The following CADPS2 variants were observed in gnomAD, a reference collection of about 807,000 sequenced individuals.
CADPS2 encodes calcium-dependent secretion activator 2.
In CADPS2, 93 loss-of-function variants were observed where a neutral mutation model predicts 172.5. The ratio of observed to expected loss-of-function variants is 0.54; its 90% CI spans 0.46 to 0.64. The LOEUF is 0.64. CADPS2 is among the 30% of genes least tolerant of loss of function. CADPS2 has a pLI of 0.00. For missense variants in CADPS2, 1,420 were observed against 1,565.9 expected, an observed-to-expected ratio of 0.91 and a Z score of 1.57; for synonymous variants, 546 against 555.2, an observed-to-expected ratio of 0.98 and a Z score of 0.23.
chr7:122,725,388 T>G (rs567332643), intron 2 of CADPS2, among the ~76,000 whole-genome samples: 1 of 151,752 alleles, frequency 6.6e-6, no homozygotes, highest in Admixed American at 6.6e-5. Context: ...TGTGTATATG[T>G]GGATGGATGG....
At chr7:122,360,217 G>C (rs1404254196) in intron 27 of CADPS2, among the ~76,000 whole-genome samples, 1 of 152,040 alleles carries the variant, frequency 6.6e-6, no homozygotes, top group Non-Finnish European at 1.5e-5. Context: ...ACAACTTGTT[G>C]GTTATGTTTA....
At chr7:122,849,591 T>G (rs1812968561) in intron 1 of CADPS2, among the ~76,000 whole-genome samples, 1 of 152,184 alleles carries the variant, frequency 6.6e-6, no homozygotes. Context: ...AGTCTGTGCG[T>G]TAAGGAATGT....
At chr7:122,622,874 C>T (rs2075741075) in intron 4 of CADPS2, among the ~76,000 whole-genome samples, 1 of 152,112 alleles carries the variant, frequency 6.6e-6, no homozygotes. Context: ...ATCCAGCATG[C>T]TCTTGTCAAC....
chr7:122,703,281 T>G (rs1464519003), intron 2 of CADPS2, among the ~76,000 whole-genome samples: 1 of 152,162 alleles, frequency 6.6e-6, no homozygotes, highest in Non-Finnish European at 1.5e-5. Context: ...TGCATGTACC[T>G]GGGCCAGTTG....
intron 2 of CADPS2, among the ~76,000 whole-genome samples, chr7:122,691,146 A>G (rs1564075918): frequency 6.6e-6 from 1 of 152,158 alleles, no homozygotes; most frequent in African/African-American, 2.4e-5. Context: ...GGGAGTCACT[A>G]CCCATGAATG....
chr7:122,541,515 T>G (rs936981632), intron 8 of CADPS2, among the ~76,000 whole-genome samples: 6 of 35,672 alleles, frequency 1.7e-4, no homozygotes, highest in Admixed American at 3.6e-4. Context: ...CAATTTTTGT[T>G]TTTTTTTTTT....
At chr7:122,628,191 C>G in intron 4 of CADPS2, among the ~76,000 whole-genome samples, 1 of 151,954 alleles carries the variant, frequency 6.6e-6, no homozygotes, top group East Asian at 1.9e-4. Flanking sequence ...CTCAACTTTC[C>G]CTCTACTTTT....
chr7:122,603,321 A>G (rs1029202425), intron 6 of CADPS2, among the ~76,000 whole-genome samples: 1 of 147,534 alleles, frequency 6.8e-6, no homozygotes, highest in African/African-American at 2.7e-5. Flanking sequence ...GCTTCATAAA[A>G]TAACGTTTGC....
intron 20 of CADPS2, among the ~76,000 whole-genome samples, chr7:122,405,468 G>A (rs1257305664): frequency 1.3e-5 from 2 of 152,164 alleles, no homozygotes; most frequent in African/African-American, 4.8e-5. Flanking sequence ...TTTGAGACCA[G>A]TCTGGTGAAC....
chr7:122,839,342 G>C lies in CADPS2; in HGVS notation c.339+46657C>G, dbSNP rs576498193. Among the ~76,000 whole-genome samples the C allele has an allele frequency of 1.8e-4, 28 of 152,072 alleles. 1 individual carries two copies. In the East Asian group the frequency reaches 5.4e-3, roughly 29 times the overall value. On this transcript the variant is annotated intron_variant, in intron 1 of 29. Transcript: ENST00000449022. The stretch of plus-strand genomic sequence containing the variant: ...ATAAAAACCCTAGAAGAAAACCTAG[G>C]CAATACCATTCAGGACATAGGCATG...
At chr7:122,348,750 G>A (rs1343783421) in intron 27 of CADPS2, among the ~76,000 whole-genome samples, 1 of 152,122 alleles carries the variant, frequency 6.6e-6, no homozygotes, top group Admixed American at 6.6e-5. Context: ...ACAAGTAAGA[G>A]TAACTGCAAC....
At chr7:122,702,436 G>C in intron 2 of CADPS2, 1 of 1,613,710 alleles carries the variant, frequency 6.2e-7, no homozygotes, top group Non-Finnish European at 8.5e-7. Flanking sequence ...CTCCACGTTC[G>C]ATGAGGGCCA....
chr7:122,629,185 C>A, intron 4 of CADPS2, 63 bp downstream of exon 4: 1 of 1,313,500 alleles, frequency 7.6e-7, no homozygotes, highest in Non-Finnish European at 1.1e-6. Context: ...AACACTTTTT[C>A]AGCTCACAGA....
Position 122,412,121 on chromosome 7 carries a change from G to A in CADPS2, c.2589+1947C>T, listed in dbSNP as rs2047388745. On this transcript the variant is annotated intron_variant, in intron 19 of 29. Transcript: ENST00000449022. ...TGAGCTGTATGCAAGCTACTTGATGGTCATCCTCTTCCAAGATGAGGGACA... is the reference window on the plus strand; with the variant it reads ...TGAGCTGTATGCAAGCTACTTGATGATCATCCTCTTCCAAGATGAGGGACA... Among the ~76,000 whole-genome samples, 3 of 152,170 alleles carry A rather than the reference G, an allele frequency of 2.0e-5. No homozygotes were observed. The South Asian group carries it at 6.2e-4, about 31-fold the overall frequency.
At chr7:122,352,683 C>T (rs566017536) in intron 27 of CADPS2, among the ~76,000 whole-genome samples, 131 of 152,184 alleles carry the variant, frequency 8.6e-4, no homozygotes, top group Non-Finnish European at 9.7e-4. Flanking sequence ...GTCTGGCTCT[C>T]ATGCTGATGT....
At chr7:122,722,064 G>C (rs1037390133) in intron 2 of CADPS2, among the ~76,000 whole-genome samples, 1 of 152,056 alleles carries the variant, frequency 6.6e-6, no homozygotes, top group Non-Finnish European at 1.5e-5. Flanking sequence ...AGCTATCTAT[G>C]ACAAACCCAC....
At chr7:122,593,063 G>C (rs2071148981) in intron 6 of CADPS2, among the ~76,000 whole-genome samples, 1 of 151,852 alleles carries the variant, frequency 6.6e-6, no homozygotes, top group African/African-American at 2.4e-5. Flanking sequence ...GAATTACACA[G>C]AGTTTAATAA....
intron 14 of CADPS2, among the ~76,000 whole-genome samples, chr7:122,465,551 G>A (rs1415780079): frequency 3.9e-5 from 6 of 152,114 alleles, no homozygotes; most frequent in Admixed American, 2.0e-4. Context: ...GAACCCTATC[G>A]TGAACTGTGC....
At chr7:122,488,544 G>A (rs2058039882) in intron 11 of CADPS2, among the ~76,000 whole-genome samples, 1 of 152,218 alleles carries the variant, frequency 6.6e-6, no homozygotes, top group Non-Finnish European at 1.5e-5. Context: ...ATTGCCAGGT[G>A]CCCTGGCAGG....
Sources: gnomAD v4.1 joint callset for allele counts (sites outside exome capture counted in the v4.1 genomes callset) on GRCh38, gnomAD v4.1.1 for gene constraint, MANE v1.5 for transcripts, NCBI Gene and HGNC (gene_info 2026-07-23, HGNC 2026-07-21) for gene names.